The following FOXP1 variants were observed in gnomAD, a reference collection of about 807,000 sequenced individuals.
The protein encoded by FOXP1 is forkhead box protein P1.
Under a neutral mutation model 98.2 loss-of-function variants are expected in FOXP1, and 15 were observed. The ratio of observed to expected loss-of-function variants is 0.15; its 90% CI spans 0.10 to 0.24. FOXP1 has a LOEUF of 0.24. Ranked by LOEUF, FOXP1 falls within the 10% of genes least tolerant of loss-of-function variation. The pLI, the probability that FOXP1 is intolerant of heterozygous loss-of-function variation, is 1.00. For synonymous variants in FOXP1, 371 were observed against 314.5 expected (o/e 1.18, Z -1.90); for missense variants, 633 against 848.5 (o/e 0.75, Z 3.15).
chr3:71,474,758 C>A (rs571332215), intron 3 of FOXP1, among the ~76,000 whole-genome samples: 18 of 152,116 alleles, frequency 1.2e-4, no homozygotes, highest in African/African-American at 4.1e-4. Flanking sequence ...AGGGCTCCCA[C>A]TGATTCTATA....
At chr3:71,236,714 A>T (rs1388740668) in intron 5 of FOXP1, among the ~76,000 whole-genome samples, 2 of 151,924 alleles carry the variant, frequency 1.3e-5, no homozygotes, top group Non-Finnish European at 2.9e-5. Flanking sequence ...CACAAGAGAC[A>T]ATAAAAATCA....
chr3:71,405,136 G>A (rs1280622506), intron 3 of FOXP1, among the ~76,000 whole-genome samples: 2 of 152,136 alleles, frequency 1.3e-5, no homozygotes, highest in Non-Finnish European at 2.9e-5. Flanking sequence ...AAGGGGCAAG[G>A]ATGCATGGCC....
intron 6 of FOXP1, among the ~76,000 whole-genome samples, chr3:71,121,554 G>A (rs1402292009): frequency 2.0e-5 from 3 of 151,924 alleles, no homozygotes; most frequent in Non-Finnish European, 4.4e-5. Flanking sequence ...GGCACTGGCT[G>A]GTTGCCCCTC....
rs746460162 is a variant in FOXP1 at position 70,977,893 on chromosome 3, C to T, written c.1283G>A (p.Ser428Asn). ...TQGPSVITTTSMHTVGPIRRR... is the reference protein window; with the variant it reads ...TQGPSVITTTNMHTVGPIRRR... ...GCGGATGGGTCCCACCGTGTGCATG[C>T]TGGTGGTTGTGATGACAGAGGGGCC... Residue 428 changes from serine (S) to asparagine (N), a missense_variant, in exon 15 of 21, where the codon AGC becomes AAC. Ser to Asn is a conservative substitution (Grantham distance 46). Coordinates refer to ENST00000649528, the MANE Select transcript of FOXP1 (RefSeq NM_001349338.3). 6 of 1,614,100 alleles carry T rather than the reference C, an allele frequency of 3.7e-6. No individual in the cohort carries two copies. Among genetic ancestry groups the T allele is most frequent in the Non-Finnish European group, 5.1e-6 (6 of 1,180,014 alleles).
intron 13 of FOXP1, among the ~76,000 whole-genome samples, chr3:70,990,483 G>A (rs371895599): frequency 5.9e-5 from 9 of 151,942 alleles, no homozygotes; most frequent in South Asian, 4.2e-4. Context: ...CAATTTTCAC[G>A]GCATCCTTTC....
intron 5 of FOXP1, chr3:71,245,041 A>G (rs2067616148): frequency 6.6e-6 from 1 of 152,124 alleles, no homozygotes; most frequent in Non-Finnish European, 1.5e-5. Context: ...TGGGGAAGCG[A>G]TGGCATAAAA....
chr3:71,148,605 C>T (rs752194341), intron 6 of FOXP1, among the ~76,000 whole-genome samples: 2 of 152,176 alleles, frequency 1.3e-5, no homozygotes, highest in African/African-American at 4.8e-5. Flanking sequence ...AAATGCATTA[C>T]TGTCTTCTTC....
chr3:71,408,455 A>C (rs999638282), intron 3 of FOXP1, among the ~76,000 whole-genome samples: 1 of 152,326 alleles, frequency 6.6e-6, no homozygotes, highest in Non-Finnish European at 1.5e-5. Flanking sequence ...AGGTTTTTAA[A>C]TATACATTGT....
intron 5 of FOXP1, among the ~76,000 whole-genome samples, chr3:71,279,930 T>C (rs1576736261): frequency 1.3e-5 from 2 of 151,986 alleles, no homozygotes; most frequent in Non-Finnish European, 2.9e-5. Flanking sequence ...GAGACTATCC[T>C]GGCTAACACA....
At position 71,041,521 on chromosome 3, in the gene FOXP1, T is replaced by C. The variant is rs1450633154; in HGVS notation, c.676A>G (p.Thr226Ala). The stretch of plus-strand genomic sequence containing the variant: ...TCTTTCCAGAGCTGCTGCAGTTCTG[T>C]TGGAATCATGCCTGAAACAAACAAA... ...LQPLAQGMIP[T>A]ELQQLWKEVT... The change falls in exon 11 of 21, where the codon ACA (threonine) becomes GCA (alanine). Residue 226 changes from threonine (T) to alanine (A), a missense_variant. Physicochemically the swap from Thr to Ala is moderately conservative, Grantham distance 58 (BLOSUM62 0). This residue lies in a region of FOXP1 where 210 missense variants were observed against 270.6 expected (regional missense o/e 0.78). Coordinates refer to ENST00000649528, the MANE Select transcript of FOXP1 (RefSeq NM_001349338.3). 1.1e-5 allele frequency: 17 copies of C among 1,613,634 alleles called. No homozygotes were observed. Among genetic ancestry groups the C allele is most frequent in the Admixed American group, 5.0e-5 (3 of 59,944 alleles).
At chr3:71,564,975 C>T (rs187217712) in intron 2 of FOXP1, among the ~76,000 whole-genome samples, 101 of 152,136 alleles carry the variant, frequency 6.6e-4, no homozygotes, top group East Asian at 1.5e-3. Flanking sequence ...ATTAGCAGGG[C>T]GTGGTGGTAC....
intron 4 of FOXP1, among the ~76,000 whole-genome samples, chr3:71,354,106 A>G (rs962858993): frequency 3.3e-5 from 5 of 150,540 alleles, no homozygotes. Context: ...GGAGTTCAAA[A>G]CCAGCCTAGC....
chr3:71,217,707 A>G (rs768152447), intron 5 of FOXP1, among the ~76,000 whole-genome samples: 24 of 152,230 alleles, frequency 1.6e-4, no homozygotes, highest in Admixed American at 3.3e-4. Flanking sequence ...AGCAGAGAGC[A>G]GGGAAGGGCT....
chr3:71,496,985 T>TGTGTGTGTGTGTGTGTGTG (rs1560567356), intron 2 of FOXP1, among the ~76,000 whole-genome samples: 1 of 151,030 alleles, frequency 6.6e-6, no homozygotes, highest in African/African-American at 2.4e-5. Flanking sequence ...TGTGTGTGTG[T>TGTGTGTGTGTGTGTGTGTG]TGTTAAGAAT....
intron 6 of FOXP1, among the ~76,000 whole-genome samples, chr3:71,193,998 TACTC>T (rs2063155509): frequency 6.6e-6 from 1 of 152,326 alleles, no homozygotes; most frequent in Admixed American, 6.5e-5. Flanking sequence ...ACTTAAAACA[TACTC>T]ACTGTCTTCT....
At chr3:71,290,698 C>T (rs1385791728) in intron 5 of FOXP1, among the ~76,000 whole-genome samples, 1 of 152,202 alleles carries the variant, frequency 6.6e-6, no homozygotes, top group African/African-American at 2.4e-5. Flanking sequence ...CTTACTACAA[C>T]TTGAGTAGCC....
intron 3 of FOXP1, among the ~76,000 whole-genome samples, chr3:71,493,036 C>A (rs567271439): frequency 1.3e-5 from 2 of 152,064 alleles, no homozygotes; most frequent in African/African-American, 4.8e-5. Flanking sequence ...TCTCAAGGAA[C>A]AAATTAGACT....
chr3:71,504,533 T>G (rs1233433194), intron 2 of FOXP1, among the ~76,000 whole-genome samples: 1 of 152,042 alleles, frequency 6.6e-6, no homozygotes, highest in Non-Finnish European at 1.5e-5. Flanking sequence ...CATTAAAAAA[T>G]AAAACCAAAC....
chr3:71,357,240 G>A (rs927462623), intron 4 of FOXP1, among the ~76,000 whole-genome samples: 1 of 152,172 alleles, frequency 6.6e-6, no homozygotes, highest in Non-Finnish European at 1.5e-5. Context: ...AAACCCACTA[G>A]ACTAGCATAT....
Sources: allele counts gnomAD v4.1 joint callset (sites outside exome capture counted in the v4.1 genomes callset), GRCh38; gene constraint gnomAD v4.1.1; regional missense constraint gnomAD v4.1.1; transcripts MANE v1.5; gene names NCBI Gene and HGNC (gene_info 2026-07-23, HGNC 2026-07-21).